Variants in PDE4D observed in about 807,000 individuals in gnomAD.
PDE4D encodes phosphodiesterase 4D.
Under a neutral mutation model 87.4 loss-of-function variants are expected in PDE4D, and 24 were observed. That is an observed-to-expected ratio of 0.27 (90% CI 0.20 to 0.39). The LOEUF (loss-of-function observed/expected upper bound fraction) is 0.39. Among genes scored for constraint, PDE4D ranks in the 10% least tolerant of loss-of-function variants. PDE4D has a pLI of 1.00. For missense variants in PDE4D, 714 were observed against 1,041.0 expected (o/e 0.69, Z 4.32); for synonymous variants, 384 against 383.2 (o/e 1.00, Z -0.02).
At chr5:59,984,345 T>C (rs568441713) in intron 3 of PDE4D, among the ~76,000 whole-genome samples, 1 of 152,194 alleles carries the variant, frequency 6.6e-6, no homozygotes, top group East Asian at 1.9e-4. Context: ...CTGTCTCTCT[T>C]ACTTCGAGGA....
At chr5:59,166,218 A>T (rs1229163511) in intron 5 of PDE4D, 2 of 152,226 alleles carry the variant, frequency 1.3e-5, no homozygotes, top group Non-Finnish European at 2.9e-5. Context: ...AACAAGATGC[A>T]GACAACACTG....
At chr5:60,268,232 T>C (rs1042080150) in intron 1 of PDE4D, among the ~76,000 whole-genome samples, 2 of 152,200 alleles carry the variant, frequency 1.3e-5, no homozygotes, top group Admixed American at 6.5e-5. Flanking sequence ...CATGCCTGTT[T>C]ACAACAAAAT....
chr5:60,272,556 A>T (rs1750923282), intron 1 of PDE4D, among the ~76,000 whole-genome samples: 1 of 152,176 alleles, frequency 6.6e-6, no homozygotes. Flanking sequence ...CACAACATGA[A>T]GGCAGTTTAT....
chr5:59,087,082 C>A (rs1041598213), intron 5 of PDE4D, among the ~76,000 whole-genome samples: 1 of 152,104 alleles, frequency 6.6e-6, no homozygotes, highest in Non-Finnish European at 1.5e-5. Flanking sequence ...TACTTTTCTT[C>A]AGTTGATTAT....
chr5:60,296,868 A>G (rs1403002488), intron 1 of PDE4D, among the ~76,000 whole-genome samples: 2 of 152,046 alleles, frequency 1.3e-5, no homozygotes, highest in Non-Finnish European at 1.5e-5. Flanking sequence ...ACATGTTCTC[A>G]CTCATAAGTG....
At chr5:60,320,438 G>A (rs1217938308) in intron 1 of PDE4D, among the ~76,000 whole-genome samples, 1 of 152,188 alleles carries the variant, frequency 6.6e-6, no homozygotes, top group East Asian at 1.9e-4. Context: ...CCTGGGTGAG[G>A]TGATGCCTCG....
intron 1 of PDE4D, among the ~76,000 whole-genome samples, chr5:59,499,880 T>G (rs1169099877): frequency 1.8e-5 from 2 of 110,306 alleles, no homozygotes; most frequent in Non-Finnish European, 1.8e-5. Flanking sequence ...CTGAAAGTAT[T>G]CAAAAAAAAA....
intron 1 of PDE4D, among the ~76,000 whole-genome samples, chr5:59,734,526 G>C (rs1196555239): frequency 6.6e-6 from 1 of 152,088 alleles, no homozygotes; most frequent in Non-Finnish European, 1.5e-5. Context: ...TGTAGCCCTG[G>C]AATGTGAAAA....
chr5:59,011,958 A>G (rs1380601537), intron 6 of PDE4D, among the ~76,000 whole-genome samples: 1 of 152,248 alleles, frequency 6.6e-6, no homozygotes, highest in Non-Finnish European at 1.5e-5. Context: ...CTGATCTCTC[A>G]GCAGAAACTC....
chr5:59,007,119 A>G (rs1026698188), intron 6 of PDE4D, among the ~76,000 whole-genome samples: 4 of 152,230 alleles, frequency 2.6e-5, no homozygotes, highest in South Asian at 2.1e-4. Context: ...GAAATATTTA[A>G]GAAATATTGT....
chr5:59,440,751 G>C (rs1797491265), intron 1 of PDE4D, among the ~76,000 whole-genome samples: 1 of 152,012 alleles, frequency 6.6e-6, no homozygotes, highest in Admixed American at 6.6e-5. Context: ...ACTCCAGCCT[G>C]GGCAACAAAT....
rs755145713 is a variant in PDE4D, at chr5:60,442,405, A to G, written c.-90+45537T>C. ...AGTTGAACGATGAGAACACATGGAC[A>G]CAGGGAGGGGACCATCACACACCAG... On this transcript the variant is annotated intron_variant, in intron 1 of 16. Transcript: ENST00000502484. 6.4e-4 allele frequency among the ~76,000 whole-genome samples: 98 copies of G among 152,034 alleles called. 1 individual carries two copies. Among genetic ancestry groups the G allele is most frequent in the Middle Eastern group, 3.4e-3 (1 of 294 alleles).
intron 1 of PDE4D, among the ~76,000 whole-genome samples, chr5:59,661,543 G>T (rs536742690): frequency 6.6e-6 from 1 of 152,276 alleles, no homozygotes; most frequent in African/African-American, 2.4e-5. Flanking sequence ...GCATGTTTAG[G>T]TTGCTAGTAA....
chr5:59,582,296 C>T (rs942931217), intron 1 of PDE4D, among the ~76,000 whole-genome samples: 4 of 152,138 alleles, frequency 2.6e-5, no homozygotes, highest in African/African-American at 9.7e-5. Context: ...ATTGCTCCCA[C>T]CCCCTAAAAT....
intron 1 of PDE4D, chr5:60,460,435 T>C: frequency 7.2e-7 from 1 of 1,394,078 alleles, no homozygotes; most frequent in Non-Finnish European, 1.0e-6. Context: ...CACTTGTGGA[T>C]GCTTGACAAA....
intron 1 of PDE4D, among the ~76,000 whole-genome samples, chr5:59,445,654 G>A (rs1010201124): frequency 6.6e-6 from 1 of 152,170 alleles, no homozygotes; most frequent in Non-Finnish European, 1.5e-5. Flanking sequence ...CCGGCAACTT[G>A]TAAGCATAGT....
chr5:59,871,500 T>C (rs1747814770), intron 1 of PDE4D, among the ~76,000 whole-genome samples: 1 of 152,226 alleles, frequency 6.6e-6, no homozygotes, highest in Non-Finnish European at 1.5e-5. Flanking sequence ...AAGATGCTAA[T>C]TTTGTTGTGA....
At chr5:60,077,679 G>A (rs545379155) in intron 2 of PDE4D, among the ~76,000 whole-genome samples, 2 of 152,276 alleles carry the variant, frequency 1.3e-5, no homozygotes, top group African/African-American at 4.8e-5. Context: ...AGGGAGATGG[G>A]TGTCCCTGGC....
At chr5:59,099,900 A>G (rs1222581930) in intron 5 of PDE4D, among the ~76,000 whole-genome samples, 1 of 152,132 alleles carries the variant, frequency 6.6e-6, no homozygotes, top group Non-Finnish European at 1.5e-5. Context: ...TATAATGCAT[A>G]TGCTTCCTTC....
Sources: allele counts gnomAD v4.1 joint callset (sites outside exome capture counted in the v4.1 genomes callset), GRCh38; gene constraint gnomAD v4.1.1; transcripts MANE v1.5; gene names NCBI Gene and HGNC (gene_info 2026-07-23, HGNC 2026-07-21).